The following CCDC126 variants were observed in gnomAD, a reference collection of about 807,000 sequenced individuals.
The protein encoded by CCDC126 is coiled-coil domain-containing protein 126.
Under a neutral mutation model 11.7 loss-of-function variants are expected in CCDC126, and 5 were observed. The observed-to-expected ratio is 0.43, with a 90% CI of 0.22 to 0.90. The LOEUF (loss-of-function observed/expected upper bound fraction) is 0.90. Ranked by LOEUF, CCDC126 falls within the 40% of genes least tolerant of loss-of-function variation. The probability of loss-of-function intolerance (pLI) is 0.27; values close to 1 mark genes in which losing one functional copy is unlikely to be tolerated. For synonymous variants in CCDC126, 60 were observed against 61.9 expected, an observed-to-expected ratio of 0.97 and a Z score of 0.14; for missense variants, 150 against 163.1, an observed-to-expected ratio of 0.92 and a Z score of 0.44.
At chr7:23,639,490 C>A (rs150309875) in intron 3 of CCDC126, among the ~76,000 whole-genome samples, 1,616 of 152,264 alleles carry the variant, frequency 0.011, 31 homozygotes, top group African/African-American at 0.037. Flanking sequence ...CAGGCGTGAG[C>A]CATCGCACCC....
chr7:23,622,201 C>T (rs1320504035), intron 3 of CCDC126, among the ~76,000 whole-genome samples: 1 of 152,180 alleles, frequency 6.6e-6, no homozygotes, highest in Non-Finnish European at 1.5e-5. Context: ...GCTGTGACTC[C>T]ATCTGGTCCT....
intron 3 of CCDC126, among the ~76,000 whole-genome samples, chr7:23,627,895 G>T (rs1783042508): frequency 6.6e-6 from 1 of 152,052 alleles, no homozygotes; most frequent in South Asian, 2.1e-4. Flanking sequence ...CCAGCCAGGA[G>T]AATAATTTAA....
intron 2 of CCDC126, among the ~76,000 whole-genome samples, chr7:23,600,379 C>CA (rs1554359062): frequency 3.2e-5 from 4 of 125,962 alleles, no homozygotes; most frequent in African/African-American, 1.2e-4. Context: ...TGTTAACCCC[C>CA]CCCCCCCCAC....
intron 3 of CCDC126, among the ~76,000 whole-genome samples, chr7:23,615,997 C>T (rs1274219116): frequency 6.6e-6 from 1 of 152,230 alleles, no homozygotes; most frequent in African/African-American, 2.4e-5. Flanking sequence ...TTGCTCCATG[C>T]AGAGTTGCTG....
rs145629831 is a variant in CCDC126, at chr7:23,611,112, G to A, written c.-145-59G>A. On this transcript the variant is annotated intron_variant, in intron 2 of 3. Coordinates refer to ENST00000307471, the MANE Select transcript of CCDC126 (RefSeq NM_138771.4). The stretch of plus-strand genomic sequence containing the variant: ...ATTATAGAATATTTTCTTTATAGTC[G>A]TCTGTTCTGTTACTGATACAGATTA... The A allele has an allele frequency of 2.8e-3, 1,179 of 425,594 alleles. 6 individuals carry two copies. The highest frequency in any genetic ancestry group is 3.4e-3 in the Non-Finnish European group (812 of 239,674). The allele number at this position is 425,594 out of a possible 1,614,324, so 26.4% of individuals were successfully genotyped here.
intron 3 of CCDC126, among the ~76,000 whole-genome samples, chr7:23,612,666 T>G (rs926082857): frequency 6.6e-6 from 1 of 151,944 alleles, no homozygotes; most frequent in East Asian, 1.9e-4. Context: ...GAGTGAGACC[T>G]CATCTCTTAA....
intron 1 of CCDC126, 144 bp from the exon 2 acceptor site, chr7:23,597,823 G>C (rs538539994): frequency 1.4e-4 from 21 of 152,196 alleles, no homozygotes; most frequent in Non-Finnish European, 2.6e-4. Context: ...GCCCCTCCGC[G>C]TCTGACAGCC....
At position 23,637,015 on chromosome 7, in the gene CCDC126, C is replaced by T. The variant is rs1333510313; in HGVS notation, c.239-5916C>T. Among the ~76,000 whole-genome samples, 7 of 64,920 alleles carry T rather than the reference C, an allele frequency of 1.1e-4. 1 individual carries two copies. The South Asian group carries it at 4.4e-3, about 41-fold the overall frequency. The allele number at this position is 64,920 out of a possible 152,430, so 42.6% of individuals were successfully genotyped here. A position where few individuals can be genotyped will look rare whatever the true frequency, so the allele number is the denominator to read the frequency against. On this transcript the variant is annotated intron_variant, in intron 3 of 3. Transcript: ENST00000307471. ...CCTCTGCCCGGCCAGCCGCCCCGTCCGGGAAGGGGGAGGGGGGGTCAGCCC... is the reference window on the plus strand; with the variant it reads ...CCTCTGCCCGGCCAGCCGCCCCGTCTGGGAAGGGGGAGGGGGGGTCAGCCC...
At chr7:23,639,353 G>A (rs1465984603) in intron 3 of CCDC126, among the ~76,000 whole-genome samples, 1 of 151,988 alleles carries the variant, frequency 6.6e-6, no homozygotes, top group African/African-American at 2.4e-5. Flanking sequence ...CATCACGCCT[G>A]GGCTAATTTT....
chr7:23,600,379 C>T (rs552210846), intron 2 of CCDC126, among the ~76,000 whole-genome samples: 3 of 125,872 alleles, frequency 2.4e-5, no homozygotes, highest in African/African-American at 1.2e-4. Context: ...TGTTAACCCC[C>T]CCCCCCCCAC....
At chr7:23,612,266 A>G (rs1782724479) in intron 3 of CCDC126, among the ~76,000 whole-genome samples, 2 of 151,556 alleles carry the variant, frequency 1.3e-5, no homozygotes, top group South Asian at 4.2e-4. Context: ...AGACTAGCCT[A>G]GTAGCCTAGG....
In CCDC126 at chr7:23,636,998, C is replaced by T. The variant is rs1306712080; in HGVS notation, c.239-5933C>T. Among the ~76,000 whole-genome samples, 143 of 63,924 alleles carry T rather than the reference C, an allele frequency of 2.2e-3. 4 individuals are homozygous for T. The highest frequency in any genetic ancestry group is 0.011 in the African/African-American group (141 of 12,578). 41.9% of individuals were successfully genotyped at this position (63,924 alleles called of 152,430 possible). On this transcript the variant is annotated intron_variant, in intron 3 of 3. Coordinates refer to ENST00000307471, the MANE Select transcript of CCDC126 (RefSeq NM_138771.4). ...CTGGGAAGTGAGGAGCCCCTCTGCC[C>T]GGCCAGCCGCCCCGTCCGGGAAGGG...
At chr7:23,630,038 A>C (rs1295257235) in intron 3 of CCDC126, among the ~76,000 whole-genome samples, 1 of 152,246 alleles carries the variant, frequency 6.6e-6, no homozygotes, top group Non-Finnish European at 1.5e-5. Context: ...ATAATAATTA[A>C]AATTTGGAAA....
At chr7:23,618,686 G>A (rs1223418324) in intron 3 of CCDC126, among the ~76,000 whole-genome samples, 1 of 151,402 alleles carries the variant, frequency 6.6e-6, no homozygotes, top group African/African-American at 2.4e-5. Context: ...GAGAACCTGG[G>A]ACTACAGGCA....
intron 2 of CCDC126, among the ~76,000 whole-genome samples, chr7:23,604,872 C>T (rs1270098939): frequency 6.6e-6 from 1 of 151,880 alleles, no homozygotes; most frequent in Non-Finnish European, 1.5e-5. Flanking sequence ...GTGGCGGGCG[C>T]CTGTAGTCCC....
At chr7:23,622,454 A>T (rs1782929756) in intron 3 of CCDC126, 3 of 395,362 alleles carry the variant, frequency 7.6e-6, no homozygotes, top group African/African-American at 2.1e-5. Flanking sequence ...TATTGCGTCT[A>T]TTTGACTCTT....
At chr7:23,638,727 T>TAAAAAAAAAAAAAAAAAAC (rs1783291920) in intron 3 of CCDC126, among the ~76,000 whole-genome samples, 9 of 89,670 alleles carry the variant, frequency 1.0e-4, no homozygotes, top group East Asian at 3.0e-4. Context: ...AAAAAAAAAT[T>TAAAAAAAAAAAAAAAAAAC]AAAAAAAAAA....
intron 3 of CCDC126, among the ~76,000 whole-genome samples, chr7:23,612,718 C>T (rs367708940): frequency 4.6e-5 from 7 of 151,982 alleles, no homozygotes; most frequent in African/African-American, 1.5e-4. Flanking sequence ...TAATACAATA[C>T]CATTATCACA....
intron 3 of CCDC126, among the ~76,000 whole-genome samples, chr7:23,628,400 C>T (rs1298046485): frequency 6.6e-6 from 1 of 152,152 alleles, no homozygotes; most frequent in African/African-American, 2.4e-5. Flanking sequence ...AGAAAAAGCC[C>T]CAACAAAAGC....
Sources: gnomAD v4.1 joint callset for allele counts (sites outside exome capture counted in the v4.1 genomes callset) on GRCh38, gnomAD v4.1.1 for gene constraint, MANE v1.5 for transcripts, NCBI Gene and HGNC (gene_info 2026-07-23, HGNC 2026-07-21) for gene names.